The following CCDC38 variants were observed in gnomAD, a reference collection of about 807,000 sequenced individuals.
CCDC38 encodes coiled-coil domain-containing protein 38.
In CCDC38, 69 loss-of-function variants were observed where a neutral mutation model predicts 72.8. The observed-to-expected ratio is 0.95, with a 90% CI of 0.78 to 1.16. CCDC38 has a LOEUF of 1.16. CCDC38 is among the 50% of genes most tolerant of loss of function. The pLI, the probability that CCDC38 is intolerant of heterozygous loss-of-function variation, is 0.00. For synonymous variants in CCDC38, 201 were observed against 213.2 expected (o/e 0.94, Z 0.50); for missense variants, 626 against 638.9 (o/e 0.98, Z 0.22).
At chr12:95,892,212 C>T (rs888638669) in intron 8 of CCDC38, among the ~76,000 whole-genome samples, 1 of 150,916 alleles carries the variant, frequency 6.6e-6, no homozygotes, top group Non-Finnish European at 1.5e-5. Flanking sequence ...TCCTGGTTAC[C>T]CCAATGTTAG....
chr12:95,869,350 A>G (rs533627368), intron 15 of CCDC38, 130 bp downstream of exon 15: 8 of 648,774 alleles, frequency 1.2e-5, no homozygotes, highest in African/African-American at 5.6e-5. Context: ...CCAGAGACCA[A>G]TTGTAGCTGT....
chr12:95,890,852 G>A lies in CCDC38; in HGVS notation c.851C>T (p.Ser284Phe), dbSNP rs371090001. The change falls in exon 9 of 16, where the codon TCT becomes TTT. Residue 284 changes from serine to phenylalanine, a missense_variant. Coordinates refer to ENST00000344280, the MANE Select transcript of CCDC38 (RefSeq NM_182496.3). ...TTTACCTTGGCTGTCTCTTCCCTGA[G>A]AAGCATCTTCTGAAAGGACAGCTGT... ...GRTAVLSEDA[S>F]QGRDSQGKPS... 60 of 1,603,254 alleles carry A rather than the reference G, an allele frequency of 3.7e-5. No individual in the cohort carries two copies. The African/African-American group carries it at 5.9e-4, about 16-fold the overall frequency.
chr12:95,872,391 C>T lies in CCDC38; in HGVS notation c.1348G>A (p.Asp450Asn), dbSNP rs964050536. Residue 450 changes from aspartate to asparagine, a missense_variant, in exon 14 of 16, where the codon GAT becomes AAT. Physicochemically the swap from Asp to Asn is conservative, Grantham distance 23 (BLOSUM62 1). Transcript: ENST00000344280. ...TTTTGAATTGGGTTGAGGCCGTCAT[C>T]CTCAGCATCTCCAATGCAGACTTTG... ...VYKVCIGDAE[D>N]DGLNPIQKLV... 1 of 1,614,036 alleles carries T rather than the reference C, an allele frequency of 6.2e-7. No homozygotes were observed. The highest frequency in any genetic ancestry group is 8.5e-7 in the Non-Finnish European group (1 of 1,180,016).
intron 2 of CCDC38, among the ~76,000 whole-genome samples, chr12:95,926,065 T>C (rs1263838348): frequency 4.2e-5 from 6 of 143,162 alleles, no homozygotes; most frequent in African/African-American, 1.6e-4. Flanking sequence ...TAAAATGAGT[T>C]AGGGAGGATT....
chr12:95,878,698 T>C (rs1247632661), intron 12 of CCDC38, among the ~76,000 whole-genome samples: 4 of 152,138 alleles, frequency 2.6e-5, no homozygotes, highest in Admixed American at 2.6e-4. Flanking sequence ...AGGGAAAATA[T>C]AGACTCCTAA....
chr12:95,906,338 ATGAAAGAAGTCTTCCACT>A, intron 5 of CCDC38, 31 bp downstream of exon 5: 1 of 1,249,342 alleles, frequency 8.0e-7, no homozygotes, highest in Non-Finnish European at 1.2e-6. Flanking sequence ...TGAAAACACT[ATGAAAGAAGTCTTCCACT>A]TGGCTAGGGG....
rs1446515228 is a variant in CCDC38 at position 95,898,404 on chromosome 12, C to T, written c.595G>A (p.Glu199Lys). 2 of 1,614,206 alleles carry T rather than the reference C, an allele frequency of 1.2e-6. No individual in the cohort carries two copies. The highest frequency in any genetic ancestry group is 1.7e-5 in the Admixed American group (1 of 60,024). The change falls in exon 7 of 16, where the codon GAG becomes AAG. Residue 199 changes from glutamate (E) to lysine (K), a missense_variant. Glu to Lys is a moderately conservative substitution (Grantham distance 56, BLOSUM62 1). Coordinates refer to ENST00000344280, the MANE Select transcript of CCDC38 (RefSeq NM_182496.3). Reference protein sequence around the residue: ...MTAELKKASMEVQAVKSEIAK... With the variant: ...MTAELKKASMKVQAVKSEIAK... ...CCTCACCTTTTCACTGCTTGTACCT[C>T]CATGCTTGCTTTCTTCAGCTCTGCT...
At chr12:95,877,247 TAGATCAAAAGAAGTTA>T (rs1002433127) in intron 13 of CCDC38, among the ~76,000 whole-genome samples, 5 of 152,304 alleles carry the variant, frequency 3.3e-5, no homozygotes, top group Admixed American at 2.6e-4. Context: ...ACCTTCGTTA[TAGATCAAAAGAAGTTA>T]ATCACTCATG....
chr12:95,878,711 C>A (rs1445978137), intron 12 of CCDC38, among the ~76,000 whole-genome samples: 1 of 152,088 alleles, frequency 6.6e-6, no homozygotes, highest in Non-Finnish European at 1.5e-5. Flanking sequence ...ACTCCTAATT[C>A]CCTCACCTAA....
chr12:95,895,289 T>TTAGCAAGTAA, intron 7 of CCDC38, 143 bp from the exon 8 acceptor site: 1 of 532,544 alleles, frequency 1.9e-6, no homozygotes. Flanking sequence ...CATAAAAATA[T>TTAGCAAGTAA]GGGCTTCAGT....
At chr12:95,870,363 G>C (rs764337926) in intron 14 of CCDC38, among the ~76,000 whole-genome samples, 4 of 152,160 alleles carry the variant, frequency 2.6e-5, no homozygotes, top group Non-Finnish European at 5.9e-5. Flanking sequence ...CAAGTACAAG[G>C]TGGTGAGCAA....
chr12:95,877,243 G>A lies in CCDC38; in HGVS notation c.1278+968C>T, dbSNP rs571251130. On this transcript the variant is annotated intron_variant, in intron 13 of 15. Transcript: ENST00000344280. ...GAAGGTCTTCAGGACTCAGACCTTC[G>A]TTATAGATCAAAAGAAGTTAATCAC... is the stretch of plus-strand genomic sequence containing the variant. Among the ~76,000 whole-genome samples the A allele has an allele frequency of 3.7e-4, 56 of 152,218 alleles. 1 individual carries two copies. Among genetic ancestry groups the A allele is most frequent in the Middle Eastern group, 3.4e-3 (1 of 294 alleles).
rs895904755 is a variant in CCDC38 at position 95,888,833 on chromosome 12, C to T, written c.872-327G>A. Among the ~76,000 whole-genome samples, 9 of 151,972 alleles carry T rather than the reference C, an allele frequency of 5.9e-5. No homozygotes were observed. The South Asian group carries it at 6.2e-4, about 10-fold the overall frequency. ...TCACTGTCTATAACTATATATCATT[C>T]GCCCCATTGTAGTGTGTAGTTCTGG... is the stretch of plus-strand genomic sequence containing the variant. On this transcript the variant is annotated intron_variant, in intron 9 of 15. Transcript: ENST00000344280.
chr12:95,937,047 G>C (rs2080401821), intron 1 of CCDC38, among the ~76,000 whole-genome samples: 1 of 152,130 alleles, frequency 6.6e-6, no homozygotes, highest in Admixed American at 6.5e-5. Context: ...TAGCTGCAAA[G>C]CTTAAGGATT....
intron 4 of CCDC38, among the ~76,000 whole-genome samples, chr12:95,909,861 A>T (rs980396239): frequency 1.3e-5 from 2 of 152,198 alleles, no homozygotes; most frequent in Non-Finnish European, 2.9e-5. Context: ...TCCCCTTATG[A>T]TAAATACACT....
At chr12:95,888,694 A>T (rs149850181) in intron 9 of CCDC38, among the ~76,000 whole-genome samples, 188 bp from the exon 10 acceptor site, 1 of 152,312 alleles carries the variant, frequency 6.6e-6, no homozygotes, top group East Asian at 1.9e-4. Context: ...TAGAAAATGG[A>T]GGTCTTTTAT....
intron 2 of CCDC38, among the ~76,000 whole-genome samples, chr12:95,925,752 G>C (rs952876360): frequency 1.3e-5 from 2 of 152,014 alleles, no homozygotes; most frequent in African/African-American, 4.8e-5. Flanking sequence ...TAGCCTGAAG[G>C]GTTGTTGAAT....
intron 5 of CCDC38, 46 bp downstream of exon 5, chr12:95,906,334 CACTATGA>C: frequency 8.2e-7 from 1 of 1,224,160 alleles, no homozygotes; most frequent in South Asian, 1.3e-5. Context: ...TATTTGAAAA[CACTATGA>C]AAGAAGTCTT....
At chr12:95,926,985 G>C (rs1366510296) in intron 2 of CCDC38, among the ~76,000 whole-genome samples, 6 of 152,126 alleles carry the variant, frequency 3.9e-5, no homozygotes, top group Admixed American at 3.3e-4. Context: ...TTTGGAACAG[G>C]TATGGTGTGG....
Sources: allele counts gnomAD v4.1 joint callset (sites outside exome capture counted in the v4.1 genomes callset), GRCh38; gene constraint gnomAD v4.1.1; transcripts MANE v1.5; gene names NCBI Gene and HGNC (gene_info 2026-07-23, HGNC 2026-07-21).